The following RAB2B variants were observed in gnomAD, a reference collection of about 807,000 sequenced individuals.
RAB2B encodes ras-related protein Rab-2B.
Under a neutral mutation model 29.8 loss-of-function variants are expected in RAB2B, and 20 were observed. The ratio of observed to expected loss-of-function variants is 0.67; its 90% CI spans 0.47 to 0.97. RAB2B has a LOEUF of 0.97. RAB2B is among the 50% of genes least tolerant of loss of function. RAB2B has a pLI of 0.00. For synonymous variants in RAB2B, 93 were observed against 91.7 expected, an observed-to-expected ratio of 1.01 and a Z score of -0.08; for missense variants, 218 against 272.0, an observed-to-expected ratio of 0.80 and a Z score of 1.40.
rs1890499093 is a variant in RAB2B at position 21,459,899 on chromosome 14, A to G, written c.*1297T>C. ...GAGTTTGATGAAACAGTAGAAGTCTATCTGGTGAAAGACACTACAATGTTA... is the reference window on the plus strand; with the variant it reads ...GAGTTTGATGAAACAGTAGAAGTCTGTCTGGTGAAAGACACTACAATGTTA... On this transcript the variant is annotated 3_prime_UTR_variant, in exon 8 of 8. Transcript: ENST00000397762. 3.4e-6 allele frequency: 1 copy of G among 294,240 alleles called. No individual in the cohort carries two copies. Among genetic ancestry groups the G allele is most frequent in the Non-Finnish European group, 6.8e-6 (1 of 146,592 alleles). The allele number at this position is 294,240 out of a possible 1,614,324, so 18.2% of individuals were successfully genotyped here. A position where few individuals can be genotyped will look rare whatever the true frequency, so the allele number is the denominator to read the frequency against.
intron 3 of RAB2B, among the ~76,000 whole-genome samples, chr14:21,469,442 A>C (rs972825771): frequency 1.3e-5 from 2 of 152,224 alleles, no homozygotes; most frequent in Non-Finnish European, 2.9e-5. Flanking sequence ...CCCAGCATAG[A>C]GTTTTCCTAG....
chr14:21,468,825 G>T, intron 3 of RAB2B, 73 bp from the exon 4 acceptor site: 1 of 922,644 alleles, frequency 1.1e-6, no homozygotes, highest in Non-Finnish European at 1.6e-6. Context: ...TTGATCACAT[G>T]CCACCCTAAT....
chr14:21,476,864 A>G lies in RAB2B; in HGVS notation c.9T>C (p.Tyr3=), dbSNP rs762240249. The G allele has an allele frequency of 1.9e-5, 30 of 1,613,454 alleles. No homozygotes were observed. The highest frequency in any genetic ancestry group is 1.1e-5 in the South Asian group (1 of 91,072). The change falls in exon 1 of 8, where the codon TAT becomes TAC. Residue 3 remains tyrosine, a synonymous_variant. Coordinates refer to ENST00000397762, the MANE Select transcript of RAB2B (RefSeq NM_032846.4). MT[Y]AYLFKYIIIG... is the part of the protein sequence containing the mutation. ...TGATGATATACTTGAAGAGATAAGC[A>G]TAAGTCATGGTGTCGCGTCCTCTGG... is the stretch of plus-strand genomic sequence containing the variant.
intron 3 of RAB2B, among the ~76,000 whole-genome samples, chr14:21,469,990 T>C (rs2139601631): frequency 6.7e-6 from 1 of 149,550 alleles, no homozygotes; most frequent in African/African-American, 2.5e-5. Flanking sequence ...CTCGCTCTGT[T>C]GCCCGGGCTG....
Position 21,461,180 on chromosome 14 carries a change from AGTTCAAGCCAGAT to A in RAB2B, c.*3_*15del. 6.3e-7 allele frequency: 1 copy of A among 1,583,294 alleles called. No individual in the cohort carries two copies. The highest frequency in any genetic ancestry group is 2.3e-5 in the East Asian group (1 of 43,874). ...AAGCTATTCCAGGAAGGACAAAAAAAGTTCAAGCCAGATGTTCAGCAGCAGCCAGAGTTGGACC... is the reference window on the plus strand; with the variant it reads ...AAGCTATTCCAGGAAGGACAAAAAAAGTTCAGCAGCAGCCAGAGTTGGACC... On this transcript the variant is annotated 3_prime_UTR_variant, in exon 8 of 8. Transcript: ENST00000397762.
chr14:21,475,430 CTTTTT>C (rs11408746), intron 2 of RAB2B, among the ~76,000 whole-genome samples: 1 of 129,518 alleles, frequency 7.7e-6, no homozygotes, highest in Admixed American at 8.4e-5. Flanking sequence ...AGAAACAATA[CTTTTT>C]TTTTTTTTTT....
chr14:21,463,077 A>C (rs1192543354), intron 6 of RAB2B, among the ~76,000 whole-genome samples: 1 of 152,020 alleles, frequency 6.6e-6, no homozygotes, highest in African/African-American at 2.4e-5. Flanking sequence ...AACCCATTAG[A>C]CACTCCAACC....
chr14:21,463,752 G>A lies in RAB2B; in HGVS notation c.378C>T (p.Arg126=), dbSNP rs1890622785. 1 of 1,610,572 alleles carries A rather than the reference G, an allele frequency of 6.2e-7. No individual in the cohort carries two copies. The highest frequency in any genetic ancestry group is 1.7e-5 in the Admixed American group (1 of 59,940). Residue 126 remains arginine (R), a synonymous_variant, in exon 6 of 8, where the codon CGC becomes CGT. Transcript: ENST00000397762. ...LIGNKSDLES[R]RDVKREEGEA... ...CTCCTTCTTCTCTCTTCACATCCCT[G>A]CGGGACTCTAGGTCACTGCAAGAGA...
intron 4 of RAB2B, 106 bp downstream of exon 4, chr14:21,468,564 G>T: frequency 8.1e-7 from 1 of 1,240,236 alleles, no homozygotes; most frequent in Non-Finnish European, 1.2e-6. Context: ...TATTAGAGAG[G>T]CCATTCCTAG....
chr14:21,473,145 C>T (rs955836423), intron 3 of RAB2B, among the ~76,000 whole-genome samples: 6 of 152,114 alleles, frequency 3.9e-5, no homozygotes, highest in African/African-American at 1.4e-4. Context: ...AAGACATACA[C>T]TTGCGTGTGG....
At chr14:21,469,553 G>A (rs999704368) in intron 3 of RAB2B, among the ~76,000 whole-genome samples, 1 of 152,044 alleles carries the variant, frequency 6.6e-6, no homozygotes, top group Non-Finnish European at 1.5e-5. Context: ...ATAATACTGG[G>A]TACTTTTGCT....
At chr14:21,473,738 A>T (rs1377028057) in intron 3 of RAB2B, among the ~76,000 whole-genome samples, 1 of 151,950 alleles carries the variant, frequency 6.6e-6, no homozygotes, top group African/African-American at 2.4e-5. Context: ...AACGTCCGGG[A>T]GTGGTGGCTC....
At chr14:21,473,787 C>T (rs1027383458) in intron 3 of RAB2B, among the ~76,000 whole-genome samples, 11 of 151,774 alleles carry the variant, frequency 7.2e-5, no homozygotes, top group African/African-American at 2.4e-4. Flanking sequence ...CTGAGGCGGG[C>T]GGATCACGAG....
At position 21,461,101 on chromosome 14, in the gene RAB2B, A is replaced by G. The variant is rs998678537; in HGVS notation, c.*95T>C. On this transcript the variant is annotated 3_prime_UTR_variant, in exon 8 of 8. Transcript: ENST00000397762. ...AGGCAAAACATCACACTTTAAAAAG[A>G]GGCTGCTCTCAGCCAAAGCAAGAAA... The G allele has an allele frequency of 6.6e-5, 57 of 861,942 alleles. No individual in the cohort carries two copies. The highest frequency in any genetic ancestry group is 9.8e-5 in the Non-Finnish European group (53 of 541,812). 53.4% of individuals were successfully genotyped at this position (861,942 alleles called of 1,614,324 possible). A position where few individuals can be genotyped will look rare whatever the true frequency, so the allele number is the denominator to read the frequency against.
At chr14:21,474,691 GA>G in intron 3 of RAB2B, 175 bp downstream of exon 3, 1 of 582,390 alleles carries the variant, frequency 1.7e-6, no homozygotes. Context: ...ACAACACAAA[GA>G]TACAGCATCC....
intron 5 of RAB2B, among the ~76,000 whole-genome samples, chr14:21,467,568 T>G (rs1890715397): frequency 6.6e-6 from 1 of 152,228 alleles, no homozygotes; most frequent in Admixed American, 6.5e-5. Context: ...TTACTGATAA[T>G]AACCAGTGTT....
chr14:21,466,823 G>GT (rs1444683843), intron 5 of RAB2B, among the ~76,000 whole-genome samples: 1 of 152,100 alleles, frequency 6.6e-6, no homozygotes, highest in Non-Finnish European at 1.5e-5. Flanking sequence ...GTGTGCAATC[G>GT]TGATTCCAAG....
intron 2 of RAB2B, 95 bp from the exon 3 acceptor site, chr14:21,475,029 T>C: frequency 1.1e-6 from 1 of 930,446 alleles, no homozygotes; most frequent in Non-Finnish European, 1.7e-6. Context: ...GTTATAACCA[T>C]CCTTTGTCTG....
At chr14:21,465,313 C>T (rs1375048079) in intron 5 of RAB2B, among the ~76,000 whole-genome samples, 1 of 152,232 alleles carries the variant, frequency 6.6e-6, no homozygotes, top group East Asian at 1.9e-4. Flanking sequence ...ATAAAACGGA[C>T]TTCAAACTTA....
Sources: allele counts gnomAD v4.1 joint callset (sites outside exome capture counted in the v4.1 genomes callset), GRCh38; gene constraint gnomAD v4.1.1; transcripts MANE v1.5; gene names NCBI Gene and HGNC (gene_info 2026-07-23, HGNC 2026-07-21).